Variants in MSH4 observed in about 807,000 individuals in gnomAD.
MSH4 encodes mutS homolog 4.
A neutral mutation model predicts 113.7 loss-of-function variants in MSH4; 106 were observed. The ratio of observed to expected loss-of-function variants is 0.93; its 90% CI spans 0.80 to 1.10. The LOEUF is 1.10. MSH4 is among the 50% of genes least tolerant of loss of function. The pLI is 0.00. For missense variants in MSH4, 1,061 were observed against 1,093.7 expected (o/e 0.97, Z 0.42); for synonymous variants, 368 against 380.2 (o/e 0.97, Z 0.37).
rs540583214 is a variant in MSH4, at chr1:75,828,967, C to T, written c.1162+6386C>T. Among the ~76,000 whole-genome samples, 23 of 152,090 alleles carry T rather than the reference C, an allele frequency of 1.5e-4. 1 individual carries two copies. In the South Asian group the frequency reaches 4.8e-3, roughly 32 times the overall value. Reference sequence around the variant, plus strand: ...GGGGCTTGTCAGACAGTGGGTACAGCCCATGGAGCAGGGCAGGACATTGCC... The same window carrying T: ...GGGGCTTGTCAGACAGTGGGTACAGTCCATGGAGCAGGGCAGGACATTGCC... On this transcript the variant is annotated intron_variant, in intron 7 of 19. Transcript: ENST00000263187.
At chr1:75,808,999 C>T (rs1650128880) in intron 3 of MSH4, among the ~76,000 whole-genome samples, 1 of 152,112 alleles carries the variant, frequency 6.6e-6, no homozygotes, top group Non-Finnish European at 1.5e-5. Flanking sequence ...TCGTGACTCA[C>T]TGCAGCCTCC....
rs1411600497 is a variant in MSH4, at chr1:75,904,383, A to C, written c.2619+4677A>C. On this transcript the variant is annotated intron_variant, in intron 19 of 19. Coordinates refer to ENST00000263187, the MANE Select transcript of MSH4 (RefSeq NM_002440.4). ...AGGGTAATACTAGCCTCATAGAATG[A>C]GTTTGGAAGTGTTCCCTCCTCTGTA... Among the ~76,000 whole-genome samples, 4 of 152,154 alleles carry C rather than the reference A, an allele frequency of 2.6e-5. No homozygotes were observed. In the East Asian group the frequency reaches 7.7e-4, roughly 29 times the overall value.
chr1:75,861,639 C>T (rs1651456550), intron 8 of MSH4, among the ~76,000 whole-genome samples: 1 of 152,204 alleles, frequency 6.6e-6, no homozygotes, highest in Non-Finnish European at 1.5e-5. Flanking sequence ...CCTCTGGAAG[C>T]TTCGTCCCAG....
At chr1:75,834,825 TGAG>T (rs1650793410) in intron 7 of MSH4, among the ~76,000 whole-genome samples, 1 of 151,580 alleles carries the variant, frequency 6.6e-6, no homozygotes, top group African/African-American at 2.4e-5. Flanking sequence ...TATTTGTAAA[TGAG>T]GAGTTAACGG....
chr1:75,824,161 C>T (rs766137506), intron 7 of MSH4, among the ~76,000 whole-genome samples: 9 of 151,912 alleles, frequency 5.9e-5, no homozygotes, highest in Non-Finnish European at 1.2e-4. Context: ...TTTTAATGAT[C>T]GACATTCTAA....
At position 75,883,838 on chromosome 1, in the gene MSH4, T is replaced by G. The variant is rs767602968; in HGVS notation, c.2107+17T>G. 1.7e-5 allele frequency: 27 copies of G among 1,598,984 alleles called. No individual in the cohort carries two copies. The highest frequency in any genetic ancestry group is 3.4e-4 in the Middle Eastern group (2 of 5,964). ...CCCAGATTGGTAAGTTATGGCTTTA[T>G]TTATAATGACCAGTTTTACACTCTT... On this transcript the variant is annotated intron_variant, in intron 15 of 19. Transcript: ENST00000263187.
intron 7 of MSH4, among the ~76,000 whole-genome samples, chr1:75,823,166 A>G (rs985879192): frequency 1.3e-5 from 2 of 152,070 alleles, no homozygotes; most frequent in Admixed American, 6.5e-5. Flanking sequence ...CTCTGCTTCT[A>G]TTGTCATATG....
In MSH4 at chr1:75,885,047, G is replaced by GTATA. The variant is rs1223601707; in HGVS notation, c.2107+1227_2107+1228insATAT. 2.5e-3 allele frequency among the ~76,000 whole-genome samples: 267 copies of GTATA among 108,912 alleles called. 2 individuals are homozygous for GTATA. The highest frequency in any genetic ancestry group is 4.4e-3 in the Admixed American group (47 of 10,690). The allele number at this position is 108,912 out of a possible 152,430, so 71.5% of individuals were successfully genotyped here. A position where few individuals can be genotyped will look rare whatever the true frequency, so the allele number is the denominator to read the frequency against. ...TATATATATGTGTGTGTGTGTGTGT[G>GTATA]TGTGTGTGTGTGTATATATATATAT... On this transcript the variant is annotated intron_variant, in intron 15 of 19. Transcript: ENST00000263187.
At chr1:75,836,199 A>C (rs930307048) in intron 7 of MSH4, among the ~76,000 whole-genome samples, 2 of 152,154 alleles carry the variant, frequency 1.3e-5, no homozygotes, top group Admixed American at 1.3e-4. Context: ...ACTTTGCCTG[A>C]AATCACACTG....
intron 9 of MSH4, among the ~76,000 whole-genome samples, chr1:75,874,598 A>G (rs1336243138): frequency 6.6e-6 from 1 of 152,162 alleles, no homozygotes; most frequent in East Asian, 1.9e-4. Flanking sequence ...CTGGGATTAC[A>G]GGTGTGAGTC....
intron 9 of MSH4, among the ~76,000 whole-genome samples, chr1:75,873,809 C>G (rs985481420): frequency 6.6e-6 from 1 of 151,946 alleles, no homozygotes; most frequent in Non-Finnish European, 1.5e-5. Context: ...TTTTCTTTAT[C>G]CAATCTGTCA....
intron 1 of MSH4, among the ~76,000 whole-genome samples, chr1:75,798,836 G>T (rs193234709): frequency 6.6e-6 from 1 of 152,214 alleles, no homozygotes; most frequent in Non-Finnish European, 1.5e-5. Flanking sequence ...GGGATTACAG[G>T]TGTGAGCCAC....
intron 4 of MSH4, among the ~76,000 whole-genome samples, chr1:75,811,625 A>C (rs1008143145): frequency 6.6e-6 from 1 of 152,226 alleles, no homozygotes; most frequent in Non-Finnish European, 1.5e-5. Flanking sequence ...TCTAGTGTCT[A>C]TCTGTAGGAC....
intron 8 of MSH4, among the ~76,000 whole-genome samples, chr1:75,854,013 G>A (rs59754444): frequency 0.79 from 92,969 of 116,950 alleles, 37,428 homozygotes; most frequent in African/African-American, 0.87. Context: ...GTGTGTGTGT[G>A]TATATATATA....
intron 8 of MSH4, among the ~76,000 whole-genome samples, chr1:75,853,766 C>T (rs1413106244): frequency 6.6e-6 from 1 of 151,944 alleles, no homozygotes; most frequent in Non-Finnish European, 1.5e-5. Context: ...TAATTTGCTT[C>T]TATGCTCTTT....
At chr1:75,806,166 A>G (rs544668341) in intron 2 of MSH4, among the ~76,000 whole-genome samples, 1 of 112,266 alleles carries the variant, frequency 8.9e-6, no homozygotes, top group Non-Finnish European at 1.9e-5. Flanking sequence ...CTTTAGGCTT[A>G]TTTTTCTGGA....
chr1:75,829,094 C>T (rs188204844), intron 7 of MSH4, among the ~76,000 whole-genome samples: 67 of 152,284 alleles, frequency 4.4e-4, no homozygotes, highest in African/African-American at 5.3e-4. Context: ...CCTAATACTG[C>T]GCTTTTCCAA....
In MSH4 at chr1:75,913,228, T is replaced by G. The variant is rs1165952700; in HGVS notation, c.*341T>G. The G allele has an allele frequency of 6.5e-6, 1 of 154,076 alleles. No homozygotes were observed. The highest frequency in any genetic ancestry group is 6.5e-5 in the Admixed American group (1 of 15,304). The allele number at this position is 154,076 out of a possible 1,614,324, so 9.5% of individuals were successfully genotyped here. On this transcript the variant is annotated 3_prime_UTR_variant, in exon 20 of 20. Transcript: ENST00000263187. ...ACCCTAGTTTAATAAACACCTTTCT[T>G]TTTAGGTCTGGAAACTTTTTTGAGC...
At chr1:75,839,995 C>G (rs1403361694) in intron 7 of MSH4, among the ~76,000 whole-genome samples, 1 of 147,400 alleles carries the variant, frequency 6.8e-6, no homozygotes, top group Non-Finnish European at 1.5e-5. Flanking sequence ...GTTAGAATGG[C>G]AATCATTAAA....
Sources: allele counts gnomAD v4.1 joint callset (sites outside exome capture counted in the v4.1 genomes callset), GRCh38; gene constraint gnomAD v4.1.1; transcripts MANE v1.5; gene names NCBI Gene and HGNC (gene_info 2026-07-23, HGNC 2026-07-21).